Variants in MAP2K5 observed in about 807,000 individuals in gnomAD.
The protein encoded by MAP2K5 is mitogen-activated protein kinase kinase 5.
In MAP2K5, 49 loss-of-function variants were observed where a neutral mutation model predicts 83.1. That is an observed-to-expected ratio of 0.59 (90% confidence interval 0.47 to 0.75). MAP2K5 has a LOEUF of 0.75. MAP2K5 is among the 30% of genes least tolerant of loss of function. The pLI is 0.00. For synonymous variants in MAP2K5, 202 were observed against 191.8 expected (o/e 1.05, Z -0.44); for missense variants, 457 against 557.5 (o/e 0.82, Z 1.82).
rs193124319 is a variant in MAP2K5 at position 67,770,316 on chromosome 15, T to C, written c.1196+653T>C. Among the ~76,000 whole-genome samples, 264 of 152,346 alleles carry C rather than the reference T, an allele frequency of 1.7e-3. No homozygotes were observed. The highest frequency in any genetic ancestry group is 6.0e-3 in the African/African-American group (248 of 41,588). ...GTTCTTTGCCAGCCTTCTGCCTTTTTCCTCCTAGCAGAACGCAGATGTCTT... is the reference window on the plus strand; with the variant it reads ...GTTCTTTGCCAGCCTTCTGCCTTTTCCCTCCTAGCAGAACGCAGATGTCTT... On this transcript the variant is annotated intron_variant, in intron 20 of 21. Coordinates refer to ENST00000178640, the MANE Select transcript of MAP2K5 (RefSeq NM_145160.3). This position sits in a 1 kb window ranked among gnomAD's most constrained non-coding sequence, Gnocchi z 5.0.
intron 17 of MAP2K5, among the ~76,000 whole-genome samples, chr15:67,731,664 T>A (rs1257723372): frequency 6.6e-6 from 1 of 152,174 alleles, no homozygotes; most frequent in Non-Finnish European, 1.5e-5. Context: ...CAGGGACTTA[T>A]TTCCAGCCTC....
intron 17 of MAP2K5, among the ~76,000 whole-genome samples, chr15:67,735,259 A>T (rs2089313562): frequency 6.6e-6 from 1 of 152,236 alleles, no homozygotes; most frequent in Non-Finnish European, 1.5e-5. Flanking sequence ...TGGAAGAGAC[A>T]TCATCCCCAA....
At chr15:67,554,133 C>T (rs1220748429) in intron 2 of MAP2K5, among the ~76,000 whole-genome samples, 1 of 152,062 alleles carries the variant, frequency 6.6e-6, no homozygotes, top group African/African-American at 2.4e-5. Context: ...GATCTCAGCT[C>T]ACTGCAACCT....
At chr15:67,795,174 CCTT>C (rs2090584277) in intron 21 of MAP2K5, among the ~76,000 whole-genome samples, 3 of 151,940 alleles carry the variant, frequency 2.0e-5, no homozygotes, top group African/African-American at 7.3e-5. Context: ...ATCTTTTTTC[CCTT>C]CTTGATATTT....
At chr15:67,715,201 T>C (rs958481733) in intron 16 of MAP2K5, among the ~76,000 whole-genome samples, 2 of 151,678 alleles carry the variant, frequency 1.3e-5, no homozygotes, top group African/African-American at 4.8e-5. Flanking sequence ...TAATTCTGTC[T>C]TGATTTTTTT....
intron 1 of MAP2K5, among the ~76,000 whole-genome samples, chr15:67,548,506 T>C (rs1353998523): frequency 6.6e-6 from 1 of 152,266 alleles, no homozygotes; most frequent in East Asian, 1.9e-4. Context: ...GACACTCTTC[T>C]GAGTACTTTA....
chr15:67,643,453 T>G (rs948514257), intron 9 of MAP2K5, among the ~76,000 whole-genome samples: 1 of 150,048 alleles, frequency 6.7e-6, no homozygotes, highest in African/African-American at 2.4e-5. Context: ...AGCAAACTCT[T>G]TTATTTTTTT....
intron 21 of MAP2K5, among the ~76,000 whole-genome samples, chr15:67,773,937 TAAAAC>T (rs987670194): frequency 1.8e-4 from 27 of 152,340 alleles, no homozygotes; most frequent in African/African-American, 4.6e-4. Flanking sequence ...GCTCAGCTGT[TAAAAC>T]AAAGGAATAG....
intron 17 of MAP2K5, among the ~76,000 whole-genome samples, chr15:67,734,873 A>G (rs2089303852): frequency 6.6e-6 from 1 of 152,200 alleles, no homozygotes; most frequent in South Asian, 2.1e-4. Context: ...CCAAACTTCA[A>G]GTACTCACCT....
chr15:67,603,680 G>A (rs981368394), intron 8 of MAP2K5, among the ~76,000 whole-genome samples: 1 of 152,100 alleles, frequency 6.6e-6, no homozygotes, highest in Admixed American at 6.5e-5. Context: ...TTAGTACAGT[G>A]CAAAGAAATG....
chr15:67,787,647 A>C (rs2090442437), intron 21 of MAP2K5, among the ~76,000 whole-genome samples: 1 of 152,244 alleles, frequency 6.6e-6, no homozygotes, highest in Admixed American at 6.5e-5. Flanking sequence ...AAGCCCATCA[A>C]AGCCTCGAAA....
At chr15:67,607,784 G>A (rs1215230982) in intron 8 of MAP2K5, among the ~76,000 whole-genome samples, 1 of 151,922 alleles carries the variant, frequency 6.6e-6, no homozygotes, top group East Asian at 1.9e-4. Flanking sequence ...GCTTGGAAAA[G>A]GGTATCTTGG....
intron 13 of MAP2K5, among the ~76,000 whole-genome samples, chr15:67,666,721 A>G (rs1386049233): frequency 1.3e-5 from 2 of 152,202 alleles, no homozygotes; most frequent in African/African-American, 4.8e-5. Context: ...GGTGCTGGCC[A>G]GCCCAATTCC....
At chr15:67,545,539 T>A (rs2084372829) in intron 1 of MAP2K5, among the ~76,000 whole-genome samples, 1 of 152,234 alleles carries the variant, frequency 6.6e-6, no homozygotes, top group Non-Finnish European at 1.5e-5. Flanking sequence ...GGAAAGATTA[T>A]GTGAGATTGT....
Position 67,806,849 on chromosome 15 carries a change from T to G in MAP2K5, c.*99T>G. ...GCTGCCTGCGCCAGAAGAGCTTTGCTGGGCCCTGGCTTCCCTGCCCTCGCC... is the reference window on the plus strand; with the variant it reads ...GCTGCCTGCGCCAGAAGAGCTTTGCGGGGCCCTGGCTTCCCTGCCCTCGCC... On this transcript the variant is annotated 3_prime_UTR_variant, in exon 22 of 22. Transcript: ENST00000178640. The G allele has an allele frequency of 6.3e-7, 1 of 1,596,706 alleles. No individual in the cohort carries two copies. The highest frequency in any genetic ancestry group is 8.5e-7 in the Non-Finnish European group (1 of 1,178,904).
intron 13 of MAP2K5, among the ~76,000 whole-genome samples, chr15:67,689,916 C>G (rs1391978423): frequency 6.6e-6 from 1 of 152,180 alleles, no homozygotes; most frequent in Non-Finnish European, 1.5e-5. Context: ...GCAAACTTGT[C>G]CAACCCATGC....
chr15:67,663,219 A>G (rs1264905277), intron 12 of MAP2K5, among the ~76,000 whole-genome samples: 3 of 152,196 alleles, frequency 2.0e-5, no homozygotes, highest in Non-Finnish European at 2.9e-5. Context: ...TCGATACAAT[A>G]CTGTTATCTA....
intron 6 of MAP2K5, 30 bp from the exon 7 acceptor site, chr15:67,592,896 T>G: frequency 6.4e-7 from 1 of 1,558,962 alleles, no homozygotes; most frequent in African/African-American, 1.4e-5. Context: ...GTTGATGATC[T>G]TGCCACTAAA....
At chr15:67,752,106 C>T (rs1427076707) in intron 19 of MAP2K5, among the ~76,000 whole-genome samples, 1 of 152,018 alleles carries the variant, frequency 6.6e-6, no homozygotes, top group Non-Finnish European at 1.5e-5. Flanking sequence ...GCTCTTGTTG[C>T]CCAGGCTGGA....
Sources: gnomAD v4.1 joint callset for allele counts (sites outside exome capture counted in the v4.1 genomes callset) on GRCh38, gnomAD v4.1.1 for gene constraint, Gnocchi (gnomAD v3.1) non-coding constraint, MANE v1.5 for transcripts, NCBI Gene and HGNC (gene_info 2026-07-23, HGNC 2026-07-21) for gene names.